The following ZMAT4 variants were observed in gnomAD, a reference collection of about 807,000 sequenced individuals.
ZMAT4 encodes the protein zinc finger matrin-type 4, also known as zinc finger matrin-type protein 4.
A neutral mutation model predicts 28.7 loss-of-function variants in ZMAT4; 17 were observed. That is an observed-to-expected ratio of 0.59 (90% confidence interval 0.41 to 0.89). The LOEUF is 0.89. Ranked by LOEUF, ZMAT4 falls within the 40% of genes least tolerant of loss-of-function variation. The pLI is 0.00. For missense variants in ZMAT4, 240 were observed against 283.8 expected (o/e 0.85, Z 1.11); for synonymous variants, 117 against 109.2 (o/e 1.07, Z -0.44).
chr8:40,889,835 A>G (rs148658884), intron 1 of ZMAT4, among the ~76,000 whole-genome samples: 5 of 152,234 alleles, frequency 3.3e-5, no homozygotes, highest in Non-Finnish European at 7.3e-5. Context: ...TATTTTGCAC[A>G]TCTCTAACTA....
At chr8:40,766,672 T>C (rs1402754891) in intron 3 of ZMAT4, among the ~76,000 whole-genome samples, 1 of 152,236 alleles carries the variant, frequency 6.6e-6, no homozygotes, top group African/African-American at 2.4e-5. Flanking sequence ...CCAAGAGGCA[T>C]GCTTAGAATT....
intron 6 of ZMAT4, among the ~76,000 whole-genome samples, chr8:40,557,521 C>T (rs1344586448): frequency 6.6e-6 from 1 of 152,158 alleles, no homozygotes; most frequent in African/African-American, 2.4e-5. Flanking sequence ...CCTGAACCAA[C>T]CTCTTTACTC....
At chr8:40,555,678 G>A (rs1585678532) in intron 6 of ZMAT4, among the ~76,000 whole-genome samples, 1 of 152,064 alleles carries the variant, frequency 6.6e-6, no homozygotes, top group South Asian at 2.1e-4. Flanking sequence ...CTCTTTTACG[G>A]TCTCTACTCC....
chr8:40,839,134 G>T (rs1190457150), intron 1 of ZMAT4, among the ~76,000 whole-genome samples: 4 of 152,166 alleles, frequency 2.6e-5, no homozygotes, highest in Non-Finnish European at 5.9e-5. Context: ...ATCACCTTGG[G>T]CAGGCAGAAA....
chr8:40,755,801 AT>A (rs1188693618), intron 3 of ZMAT4, among the ~76,000 whole-genome samples: 1 of 152,024 alleles, frequency 6.6e-6, no homozygotes, highest in African/African-American at 2.4e-5. Flanking sequence ...TCTTCTTTTG[AT>A]TTTTTTCAAA....
chr8:40,568,242 T>C (rs1321417268), intron 6 of ZMAT4, among the ~76,000 whole-genome samples: 2 of 152,064 alleles, frequency 1.3e-5, no homozygotes, highest in Non-Finnish European at 2.9e-5. Flanking sequence ...AGTGAGAAAT[T>C]AGGGTGTAAT....
At chr8:40,652,908 G>T (rs1260174852) in intron 5 of ZMAT4, among the ~76,000 whole-genome samples, 2 of 141,146 alleles carry the variant, frequency 1.4e-5, no homozygotes, top group East Asian at 2.1e-4. Flanking sequence ...ACAGGAAGGG[G>T]AATATCACAC....
intron 1 of ZMAT4, among the ~76,000 whole-genome samples, chr8:40,850,398 G>T (rs1038942619): frequency 6.6e-6 from 1 of 152,072 alleles, no homozygotes; most frequent in African/African-American, 2.4e-5. Flanking sequence ...CCATCTGCAC[G>T]GCCCAGGACT....
intron 2 of ZMAT4, among the ~76,000 whole-genome samples, chr8:40,787,196 A>G (rs766411471): frequency 2.0e-5 from 3 of 152,238 alleles, no homozygotes; most frequent in Non-Finnish European, 4.4e-5. Flanking sequence ...ATCTGAAATC[A>G]ATGACCTCAG....
chr8:40,666,576 A>G (rs1323337503), intron 5 of ZMAT4, among the ~76,000 whole-genome samples: 1 of 152,216 alleles, frequency 6.6e-6, no homozygotes, highest in Non-Finnish European at 1.5e-5. Context: ...CTATTAAAGT[A>G]TATACTAATA....
chr8:40,587,435 T>C (rs1181248378), intron 5 of ZMAT4, among the ~76,000 whole-genome samples: 1 of 152,188 alleles, frequency 6.6e-6, no homozygotes, highest in Non-Finnish European at 1.5e-5. Context: ...AAACACTGTA[T>C]TGTGTATTAT....
At chr8:40,613,973 T>C (rs1805899969) in intron 5 of ZMAT4, among the ~76,000 whole-genome samples, 1 of 152,208 alleles carries the variant, frequency 6.6e-6, no homozygotes, top group Admixed American at 6.5e-5. Flanking sequence ...TATGGGCTGC[T>C]TTGAAGCAAC....
At chr8:40,746,651 G>A (rs1022558352) in intron 3 of ZMAT4, among the ~76,000 whole-genome samples, 25 of 152,038 alleles carry the variant, frequency 1.6e-4, no homozygotes, top group Non-Finnish European at 2.9e-4. Context: ...CACCATGCCC[G>A]GCCCAGTTTT....
At chr8:40,825,430 G>C (rs574899560) in intron 2 of ZMAT4, 145 bp downstream of exon 2, 1 of 633,850 alleles carries the variant, frequency 1.6e-6, no homozygotes, top group Non-Finnish European at 2.7e-6. Flanking sequence ...ACTTGTCCTG[G>C]CCTTGACCTC....
chr8:40,847,687 C>A (rs988250610), intron 1 of ZMAT4, among the ~76,000 whole-genome samples: 4 of 152,128 alleles, frequency 2.6e-5, no homozygotes, highest in Non-Finnish European at 4.4e-5. Flanking sequence ...GGAACTCCTT[C>A]CCCCCTAAAT....
chr8:40,754,443 A>G (rs1420683273), intron 3 of ZMAT4, among the ~76,000 whole-genome samples: 1 of 152,212 alleles, frequency 6.6e-6, no homozygotes, highest in Non-Finnish European at 1.5e-5. Context: ...TGAGTTTCAG[A>G]AGCAGAGTCC....
At chr8:40,620,084 G>T (rs75257769) in intron 5 of ZMAT4, among the ~76,000 whole-genome samples, 154 of 152,276 alleles carry the variant, frequency 1.0e-3, no homozygotes, top group African/African-American at 3.6e-3. Flanking sequence ...AATAAATCTA[G>T]ATTTTTCTCA....
Position 40,797,678 on chromosome 8 carries a change from C to T in ZMAT4, c.102+27897G>A, listed in dbSNP as rs189519198. Among the ~76,000 whole-genome samples, 144 of 152,246 alleles carry T rather than the reference C, an allele frequency of 9.5e-4. 1 individual carries two copies. Among genetic ancestry groups the T allele is most frequent in the African/African-American group, 3.3e-3 (136 of 41,532 alleles). ...AGATATCTACCACTTGACAGGTCATCGGAAGAAAGAAATGACAGGATGCAC... is the reference window on the plus strand; with the variant it reads ...AGATATCTACCACTTGACAGGTCATTGGAAGAAAGAAATGACAGGATGCAC... On this transcript the variant is annotated intron_variant, in intron 2 of 6. Coordinates refer to ENST00000297737, the MANE Select transcript of ZMAT4 (RefSeq NM_024645.3).
At chr8:40,875,206 T>G (rs1332728523) in intron 1 of ZMAT4, among the ~76,000 whole-genome samples, 1 of 152,192 alleles carries the variant, frequency 6.6e-6, no homozygotes, top group Non-Finnish European at 1.5e-5. Context: ...CAAACATAAT[T>G]GACCCCTTGA....
Sources: gnomAD v4.1 joint callset for allele counts (sites outside exome capture counted in the v4.1 genomes callset) on GRCh38, gnomAD v4.1.1 for gene constraint, MANE v1.5 for transcripts, NCBI Gene and HGNC (gene_info 2026-07-23, HGNC 2026-07-21) for gene names.